The following WNT8B variants were observed in gnomAD, a reference collection of about 807,000 sequenced individuals.
WNT8B encodes the protein protein Wnt-8b.
In WNT8B, 24 loss-of-function variants were observed where a neutral mutation model predicts 36.6. The observed-to-expected ratio is 0.66, with a 90% confidence interval of 0.48 to 0.92. WNT8B has a LOEUF of 0.92. WNT8B is among the 40% of genes least tolerant of loss of function. The probability of loss-of-function intolerance (pLI) is 0.00; values close to 1 mark genes in which losing one functional copy is unlikely to be tolerated. For synonymous variants in WNT8B, 199 were observed against 189.8 expected (o/e 1.05, Z -0.40); for missense variants, 402 against 470.8 (o/e 0.85, Z 1.35).
Position 100,483,088 on chromosome 10 carries a change from G to C in WNT8B, c.*272G>C. The C allele has an allele frequency of 2.4e-6, 1 of 412,814 alleles. No homozygotes were observed. Among genetic ancestry groups the C allele is most frequent in the South Asian group, 7.0e-5 (1 of 14,362 alleles). 25.6% of individuals were successfully genotyped at this position (412,814 alleles called of 1,614,324 possible). A position where few individuals can be genotyped will look rare whatever the true frequency, so the allele number is the denominator to read the frequency against. Reference sequence around the variant, plus strand: ...GATCTTCCTTGGATTAGGAGAACAGGTGTTCCTCCTCCCCTCTCCTAGCAG... The same window carrying C: ...GATCTTCCTTGGATTAGGAGAACAGCTGTTCCTCCTCCCCTCTCCTAGCAG... On this transcript the variant is annotated 3_prime_UTR_variant, in exon 6 of 6. Transcript: ENST00000343737.
At chr10:100,478,584 T>G (rs1421014895) in intron 1 of WNT8B, among the ~76,000 whole-genome samples, 1 of 151,816 alleles carries the variant, frequency 6.6e-6, no homozygotes, top group African/African-American at 2.4e-5. Flanking sequence ...TGTGTGTGTT[T>G]TTTTTTTTTT....
rs111504292 is a variant in WNT8B, at chr10:100,474,627, C to T, written c.69-4425C>T. Among the ~76,000 whole-genome samples the T allele has an allele frequency of 5.8e-3, 881 of 152,130 alleles. 4 individuals carry two copies. Among genetic ancestry groups the T allele is most frequent in the African/African-American group, 0.019 (804 of 41,524 alleles). ...TCGCCCAGGCTGGAGTGCAGTGGCACGATCTTGGCTCACTGTAAACTCCAC... is the reference window on the plus strand; with the variant it reads ...TCGCCCAGGCTGGAGTGCAGTGGCATGATCTTGGCTCACTGTAAACTCCAC... On this transcript the variant is annotated intron_variant, in intron 1 of 5. Coordinates refer to ENST00000343737, the MANE Select transcript of WNT8B (RefSeq NM_003393.4).
intron 1 of WNT8B, among the ~76,000 whole-genome samples, chr10:100,478,475 T>C (rs1851067335): frequency 1.3e-5 from 2 of 152,254 alleles, no homozygotes; most frequent in Admixed American, 1.3e-4. Flanking sequence ...TCAGCAACCA[T>C]CACTATCAGG....
At chr10:100,480,344 T>C (rs1335075579) in intron 3 of WNT8B, among the ~76,000 whole-genome samples, 2 of 152,174 alleles carry the variant, frequency 1.3e-5, no homozygotes, top group Non-Finnish European at 2.9e-5. Flanking sequence ...TCAGACCTCT[T>C]AGCCCCTTCC....
At chr10:100,470,079 A>G (rs892640181) in intron 1 of WNT8B, among the ~76,000 whole-genome samples, 3 of 152,116 alleles carry the variant, frequency 2.0e-5, no homozygotes, top group Non-Finnish European at 2.9e-5. Context: ...CAGCACTCCA[A>G]TTTCGGTAAT....
At chr10:100,481,869 G>C (rs755505677) in intron 4 of WNT8B, 43 bp from the exon 5 acceptor site, 1 of 1,609,978 alleles carries the variant, frequency 6.2e-7, no homozygotes, top group South Asian at 1.1e-5. Flanking sequence ...GAGGCTCTGC[G>C]CCCGCTTGCT....
At chr10:100,479,848 G>T (rs1851086899) in intron 2 of WNT8B, 26 bp from the exon 3 acceptor site, 1 of 1,612,312 alleles carries the variant, frequency 6.2e-7, no homozygotes, top group African/African-American at 1.3e-5. Flanking sequence ...AGTTCAGTCT[G>T]AATTTTTACC....
In WNT8B at chr10:100,479,049, T is replaced by G; in HGVS notation, c.69-3T>G. 6.3e-7 allele frequency: 1 copy of G among 1,595,702 alleles called. No individual in the cohort carries two copies. Among genetic ancestry groups the G allele is most frequent in the Non-Finnish European group, 8.5e-7 (1 of 1,175,670 alleles). On this transcript the variant is annotated splice_polypyrimidine_tract_variant and splice_region_variant and intron_variant, in intron 1 of 5. Transcript: ENST00000343737. ...CTGTTTTTGTTTTTTTTTTCCCTTA[T>G]AGGTCGGTGAACAATTTCCTGATGA...
intron 1 of WNT8B, among the ~76,000 whole-genome samples, chr10:100,470,273 T>C (rs555091914): frequency 8.5e-5 from 13 of 152,190 alleles, no homozygotes; most frequent in Non-Finnish European, 1.8e-4. Context: ...CTATAGTGTA[T>C]GCCACCATAC....
chr10:100,471,870 CACA>C (rs1166426938), intron 1 of WNT8B, among the ~76,000 whole-genome samples: 5 of 152,096 alleles, frequency 3.3e-5, no homozygotes, highest in Non-Finnish European at 7.3e-5. Flanking sequence ...GTCCTGGCAA[CACA>C]ACGAGACCCT....
At chr10:100,466,065 C>T (rs1399966376) in intron 1 of WNT8B, among the ~76,000 whole-genome samples, 2 of 151,856 alleles carry the variant, frequency 1.3e-5, no homozygotes, top group African/African-American at 4.8e-5. Context: ...GAATTTTTCC[C>T]ACTAACAGAT....
chr10:100,464,769 T>A (rs1349909077), intron 1 of WNT8B, among the ~76,000 whole-genome samples: 2 of 152,232 alleles, frequency 1.3e-5, no homozygotes, highest in African/African-American at 2.4e-5. Flanking sequence ...GGAGAAAATG[T>A]ACAAATCTCC....
At chr10:100,469,476 T>G (rs1850950009) in intron 1 of WNT8B, among the ~76,000 whole-genome samples, 1 of 152,244 alleles carries the variant, frequency 6.6e-6, no homozygotes, top group Non-Finnish European at 1.5e-5. Flanking sequence ...CTTCCCCTAG[T>G]TAAATAGGAA....
intron 1 of WNT8B, among the ~76,000 whole-genome samples, chr10:100,474,566 A>G (rs1851014835): frequency 6.6e-6 from 1 of 151,970 alleles, no homozygotes; most frequent in South Asian, 2.1e-4. Context: ...ACTACAGGAC[A>G]GTCTTCTTTT....
At chr10:100,480,105 T>A in intron 3 of WNT8B, 93 bp downstream of exon 3, 3 of 1,421,030 alleles carry the variant, frequency 2.1e-6, no homozygotes, top group Non-Finnish European at 2.8e-6. Flanking sequence ...CCCTTATTCC[T>A]CACCTGCTCT....
chr10:100,479,437 T>C (rs976040399), intron 2 of WNT8B, among the ~76,000 whole-genome samples: 2 of 152,226 alleles, frequency 1.3e-5, no homozygotes, highest in African/African-American at 4.8e-5. Context: ...TACTACATGA[T>C]CTTTACATTC....
intron 1 of WNT8B, among the ~76,000 whole-genome samples, chr10:100,472,330 C>A (rs1166640693): frequency 6.6e-6 from 1 of 151,768 alleles, no homozygotes; most frequent in Non-Finnish European, 1.5e-5. Context: ...GATCTCCTGA[C>A]CTCATGATCC....
At chr10:100,470,624 T>G (rs560734460) in intron 1 of WNT8B, among the ~76,000 whole-genome samples, 1 of 152,284 alleles carries the variant, frequency 6.6e-6, no homozygotes, top group South Asian at 2.1e-4. Context: ...GGGAAAGTGA[T>G]GAGAGGCAGA....
chr10:100,469,386 A>T (rs901613006), intron 1 of WNT8B, among the ~76,000 whole-genome samples: 1 of 152,166 alleles, frequency 6.6e-6, no homozygotes, highest in Non-Finnish European at 1.5e-5. Flanking sequence ...TTTAAGTAGG[A>T]GGAAATCTGA....
Sources: gnomAD v4.1 joint callset for allele counts (sites outside exome capture counted in the v4.1 genomes callset) on GRCh38, gnomAD v4.1.1 for gene constraint, MANE v1.5 for transcripts, NCBI Gene and HGNC (gene_info 2026-07-23, HGNC 2026-07-21) for gene names.